ITFG1: variants seen among roughly 807,000 people sequenced by gnomAD.
The protein encoded by ITFG1 is T-cell immunomodulatory protein.
In ITFG1, 34 loss-of-function variants were observed where a neutral mutation model predicts 81.8. The observed-to-expected ratio is 0.42, with a 90% CI of 0.32 to 0.55. The LOEUF (loss-of-function observed/expected upper bound fraction) is 0.55, where lower values mean the gene tolerates loss of function less well. Ranked by LOEUF, ITFG1 falls within the 20% of genes least tolerant of loss-of-function variation. The pLI is 0.17. For synonymous variants in ITFG1, 285 were observed against 270.6 expected, an observed-to-expected ratio of 1.05 and a Z score of -0.52; for missense variants, 672 against 755.4, an observed-to-expected ratio of 0.89 and a Z score of 1.29.
intron 14 of ITFG1, among the ~76,000 whole-genome samples, chr16:47,180,379 C>T (rs573675803): frequency 4.7e-4 from 71 of 152,050 alleles, no homozygotes; most frequent in African/African-American, 1.6e-3. Context: ...CCCCCTCCCC[C>T]TCTCCCCACG....
At chr16:47,306,448 C>T (rs1055397160) in intron 10 of ITFG1, among the ~76,000 whole-genome samples, 1 of 151,972 alleles carries the variant, frequency 6.6e-6, no homozygotes, top group Non-Finnish European at 1.5e-5. Context: ...TGGGCCCAAA[C>T]ATATTTATGT....
At chr16:47,460,770 A>G (rs1416634915) in intron 1 of ITFG1, 68 bp downstream of exon 1, 3 of 1,543,832 alleles carry the variant, frequency 1.9e-6, no homozygotes, top group Admixed American at 3.6e-5. Context: ...CCATTGGGCA[A>G]TGGGTTTGGG....
chr16:47,277,497 T>A (rs1468061598), intron 10 of ITFG1, among the ~76,000 whole-genome samples: 1 of 152,218 alleles, frequency 6.6e-6, no homozygotes, highest in Non-Finnish European at 1.5e-5. Flanking sequence ...GAGAGCTGAC[T>A]GTATTTATTG....
chr16:47,168,478 A>T (rs943600581), intron 14 of ITFG1, among the ~76,000 whole-genome samples: 1 of 151,456 alleles, frequency 6.6e-6, no homozygotes, highest in South Asian at 2.1e-4. Context: ...GGCTCCAGTG[A>T]TCCCAGCTCA....
intron 5 of ITFG1, among the ~76,000 whole-genome samples, chr16:47,444,010 AG>A (rs1969290303): frequency 6.6e-6 from 1 of 152,196 alleles, no homozygotes; most frequent in Non-Finnish European, 1.5e-5. Flanking sequence ...TAATTCACAA[AG>A]CCAGTCCTTC....
intron 8 of ITFG1, among the ~76,000 whole-genome samples, chr16:47,360,930 T>C (rs142626676): frequency 4.6e-5 from 7 of 152,288 alleles, no homozygotes; most frequent in African/African-American, 1.4e-4. Context: ...CCTTTCTCCT[T>C]TACTTTACTA....
intron 2 of ITFG1, among the ~76,000 whole-genome samples, chr16:47,458,547 G>T (rs548343293): frequency 6.6e-6 from 1 of 152,288 alleles, no homozygotes; most frequent in East Asian, 1.9e-4. Flanking sequence ...TATCATGGAG[G>T]TAGAGGTGTG....
chr16:47,305,686 T>C (rs530778889), intron 10 of ITFG1, among the ~76,000 whole-genome samples: 3 of 152,176 alleles, frequency 2.0e-5, no homozygotes, highest in South Asian at 2.1e-4. Flanking sequence ...CAGACTTGAC[T>C]AGCAAAAGTG....
chr16:47,211,770 TTTG>T (rs1965563892), intron 14 of ITFG1, among the ~76,000 whole-genome samples: 1 of 152,120 alleles, frequency 6.6e-6, no homozygotes, highest in African/African-American at 2.4e-5. Context: ...GACCATGTGG[TTTG>T]TTTTCTTCTT....
At chr16:47,291,846 T>C (rs921341484) in intron 10 of ITFG1, among the ~76,000 whole-genome samples, 8 of 152,166 alleles carry the variant, frequency 5.3e-5, no homozygotes, top group Non-Finnish European at 8.8e-5. Context: ...CTTATCTAAG[T>C]CTCGTATTGT....
chr16:47,307,786 G>T (rs1967193742), intron 10 of ITFG1, among the ~76,000 whole-genome samples: 1 of 152,074 alleles, frequency 6.6e-6, no homozygotes, highest in Non-Finnish European at 1.5e-5. Context: ...TTCAACTCTT[G>T]ATCTCCTTCC....
intron 12 of ITFG1, among the ~76,000 whole-genome samples, chr16:47,245,525 T>C (rs1351309211): frequency 6.6e-6 from 1 of 152,082 alleles, no homozygotes; most frequent in African/African-American, 2.4e-5. Context: ...TTTTTTTTCC[T>C]CCTAAAAACA....
At chr16:47,186,697 G>T (rs1175584776) in intron 14 of ITFG1, among the ~76,000 whole-genome samples, 1 of 152,160 alleles carries the variant, frequency 6.6e-6, no homozygotes, top group African/African-American at 2.4e-5. Flanking sequence ...TTGAAAACAG[G>T]CACAAGACAG....
intron 10 of ITFG1, chr16:47,263,133 T>C (rs879479797): frequency 2.4e-5 from 6 of 253,200 alleles, no homozygotes; most frequent in Non-Finnish European, 4.2e-5. Flanking sequence ...CCTGACAACA[T>C]ATTGTATCAG....
chr16:47,300,307 T>C (rs1181122869), intron 10 of ITFG1, among the ~76,000 whole-genome samples: 1 of 152,248 alleles, frequency 6.6e-6, no homozygotes, highest in Admixed American at 6.5e-5. Context: ...TGTAATTGTC[T>C]ACATGCTATT....
intron 14 of ITFG1, among the ~76,000 whole-genome samples, chr16:47,171,831 C>T (rs1964966883): frequency 6.6e-6 from 1 of 152,176 alleles, no homozygotes; most frequent in African/African-American, 2.4e-5. Flanking sequence ...TACCTAAATA[C>T]TCAGAGAGTA....
intron 8 of ITFG1, among the ~76,000 whole-genome samples, chr16:47,348,577 C>T (rs1028127767): frequency 2.0e-5 from 3 of 152,132 alleles, no homozygotes; most frequent in South Asian, 2.1e-4. Flanking sequence ...ACCAAATCTA[C>T]GTCTGAATGG....
At chr16:47,403,592 G>T (rs769593600) in intron 6 of ITFG1, among the ~76,000 whole-genome samples, 1 of 152,110 alleles carries the variant, frequency 6.6e-6, no homozygotes, top group African/African-American at 2.4e-5. Flanking sequence ...ATGACATTAT[G>T]CAATTACCAT....
intron 10 of ITFG1, among the ~76,000 whole-genome samples, chr16:47,281,854 T>A (rs995711347): frequency 1.5e-4 from 23 of 152,004 alleles, no homozygotes; most frequent in Non-Finnish European, 2.9e-4. Context: ...TATTTTTCTG[T>A]TTTTACTATT....
Sources: gnomAD v4.1 joint callset for allele counts (sites outside exome capture counted in the v4.1 genomes callset) on GRCh38, gnomAD v4.1.1 for gene constraint, MANE v1.5 for transcripts, NCBI Gene and HGNC (gene_info 2026-07-23, HGNC 2026-07-21) for gene names.